Variants in FAT4 observed in about 807,000 individuals in gnomAD.
The protein encoded by FAT4 is FAT atypical cadherin 4.
In FAT4, 84 loss-of-function variants were observed where a neutral mutation model predicts 303.9. The ratio of observed to expected loss-of-function variants is 0.28; its 90% CI spans 0.23 to 0.33. The LOEUF (loss-of-function observed/expected upper bound fraction) is 0.33, where lower values mean the gene tolerates loss of function less well. Among genes scored for constraint, FAT4 ranks in the 10% least tolerant of loss-of-function variants. The pLI, the probability that FAT4 is intolerant of heterozygous loss-of-function variation, is 1.00. For synonymous variants in FAT4, 2,307 were observed against 2,298.8 expected (o/e 1.00, Z -0.10); for missense variants, 6,005 against 6,146.8 (o/e 0.98, Z 0.77).
chr4:125,465,623 T>C (rs1008981504), intron 11 of FAT4, among the ~76,000 whole-genome samples: 1 of 152,182 alleles, frequency 6.6e-6, no homozygotes, highest in Non-Finnish European at 1.5e-5. Context: ...ACAACTGTCG[T>C]TGCCTATTAA....
At chr4:125,481,396 T>C (rs1006433058) in intron 15 of FAT4, 125 bp from the exon 16 acceptor site, 7 of 714,394 alleles carry the variant, frequency 9.8e-6, no homozygotes, top group African/African-American at 1.8e-5. Flanking sequence ...AAGAGTAGAG[T>C]TGGGGGACAT....
chr4:125,440,114 C>CT lies in FAT4; in HGVS notation c.7199+5692dup, dbSNP rs1725601736. ...TCATCTTTTTTACTCCTAATATATTCTTTCTTTTACAATATCTGGTACATA... is the reference window on the plus strand; with the variant it reads ...TCATCTTTTTTACTCCTAATATATTCTTTTCTTTTACAATATCTGGTACATA... On this transcript the variant is annotated intron_variant, in intron 8 of 17. Coordinates refer to ENST00000394329, the MANE Select transcript of FAT4 (RefSeq NM_001291303.3). Among the ~76,000 whole-genome samples, 4 of 152,082 alleles carry CT rather than the reference C, an allele frequency of 2.6e-5. No individual in the cohort carries two copies. The South Asian group carries it at 8.3e-4, about 32-fold the overall frequency.
chr4:125,416,173 CT>C (rs1335147699), intron 6 of FAT4, among the ~76,000 whole-genome samples: 2 of 151,362 alleles, frequency 1.3e-5, no homozygotes, highest in Admixed American at 6.6e-5. Context: ...TACTCTTTTC[CT>C]TCATATATTT....
chr4:125,419,152 G>A (rs2126031247), intron 7 of FAT4, among the ~76,000 whole-genome samples: 1 of 152,216 alleles, frequency 6.6e-6, no homozygotes, highest in East Asian at 1.9e-4. Context: ...CTATATGAAA[G>A]TTTATTGATC....
rs1727651481 is a variant in FAT4, at chr4:125,491,648, T to C, written c.14832T>C (p.His4944=). The part of the protein sequence containing the change: ...NLLNWGPGFG[H]YVDVFKDLAS... Reference sequence around the variant, plus strand: ...TGAACTGGGGCCCTGGCTTTGGCCATTATGTAGATGTTTTTAAAGATTTGG... The same window carrying C: ...TGAACTGGGGCCCTGGCTTTGGCCACTATGTAGATGTTTTTAAAGATTTGG... The change falls in exon 18 of 18, where the codon CAT becomes CAC. Residue 4944 remains histidine, a synonymous_variant. Coordinates refer to ENST00000394329, the MANE Select transcript of FAT4 (RefSeq NM_001291303.3). 6.2e-7 allele frequency: 1 copy of C among 1,614,020 alleles called. No individual in the cohort carries two copies. Among genetic ancestry groups the C allele is most frequent in the African/African-American group, 1.3e-5 (1 of 74,924 alleles).
intron 2 of FAT4, among the ~76,000 whole-genome samples, chr4:125,381,837 C>CT (rs1733554555): frequency 6.6e-6 from 1 of 152,164 alleles, no homozygotes; most frequent in Admixed American, 6.6e-5. Flanking sequence ...CCCTGCCACT[C>CT]TTTTATCAGC....
chr4:125,444,388 C>A (rs2126053035), intron 8 of FAT4, among the ~76,000 whole-genome samples: 1 of 152,198 alleles, frequency 6.6e-6, no homozygotes, highest in Middle Eastern at 3.4e-3. Flanking sequence ...GAAGCTCACT[C>A]CCTCAATAAC....
At chr4:125,480,660 T>C (rs1473529547) in intron 15 of FAT4, among the ~76,000 whole-genome samples, 1 of 152,052 alleles carries the variant, frequency 6.6e-6, no homozygotes, top group Non-Finnish European at 1.5e-5. Flanking sequence ...TAAAAGGTCT[T>C]AGCAGAAAGT....
chr4:125,431,089 A>C (rs1725268689), intron 7 of FAT4, among the ~76,000 whole-genome samples: 1 of 152,230 alleles, frequency 6.6e-6, no homozygotes, highest in Non-Finnish European at 1.5e-5. Flanking sequence ...TTACAGACAA[A>C]GAAAGAAATC....
chr4:125,383,452 C>T (rs759614582), intron 2 of FAT4, among the ~76,000 whole-genome samples: 4 of 152,106 alleles, frequency 2.6e-5, no homozygotes, highest in Non-Finnish European at 5.9e-5. Flanking sequence ...AGTTCACTGT[C>T]TTATATGGGT....
intron 2 of FAT4, among the ~76,000 whole-genome samples, chr4:125,380,497 A>G (rs995049264): frequency 1.3e-5 from 2 of 152,224 alleles, no homozygotes; most frequent in Non-Finnish European, 2.9e-5. Context: ...AAAACCGTCA[A>G]TAAAAACATG....
At chr4:125,330,777 GA>G (rs1164041398) in intron 2 of FAT4, among the ~76,000 whole-genome samples, 1 of 152,186 alleles carries the variant, frequency 6.6e-6, no homozygotes, top group African/African-American at 2.4e-5. Context: ...ACCAGAGTGA[GA>G]GTGATCTTTT....
intron 8 of FAT4, among the ~76,000 whole-genome samples, chr4:125,437,576 G>A (rs374820122): frequency 9.2e-4 from 140 of 152,246 alleles, no homozygotes; most frequent in Non-Finnish European, 1.6e-3. Context: ...GTCATAACCC[G>A]TTTGAGTCAT....
chr4:125,335,045 C>G (rs1338066066), intron 2 of FAT4, among the ~76,000 whole-genome samples: 1 of 151,984 alleles, frequency 6.6e-6, no homozygotes, highest in Non-Finnish European at 1.5e-5. Flanking sequence ...TTTAGAACAC[C>G]AGTTGACCCT....
intron 2 of FAT4, among the ~76,000 whole-genome samples, chr4:125,341,339 G>T (rs1167479617): frequency 6.6e-6 from 1 of 152,128 alleles, no homozygotes; most frequent in African/African-American, 2.4e-5. Flanking sequence ...GCCTGAGGCA[G>T]TGGTTATATG....
intron 14 of FAT4, 195 bp downstream of exon 14, chr4:125,477,529 T>C (rs372793794): frequency 2.3e-5 from 9 of 386,902 alleles, no homozygotes; most frequent in East Asian, 1.1e-4. Flanking sequence ...ATTAATATGT[T>C]TCTAGATTCT....
intron 7 of FAT4, among the ~76,000 whole-genome samples, chr4:125,431,927 GTA>G (rs1388817074): frequency 1.3e-5 from 2 of 151,942 alleles, no homozygotes; most frequent in African/African-American, 4.8e-5. Flanking sequence ...TCATAAAATT[GTA>G]TATAGTGAAA....
chr4:125,450,381 G>T lies in FAT4; in HGVS notation c.9371G>T (p.Gly3124Val), dbSNP rs1726012050. 6.2e-7 allele frequency: 1 copy of T among 1,613,930 alleles called. No individual in the cohort carries two copies. The highest frequency in any genetic ancestry group is 8.5e-7 in the Non-Finnish European group (1 of 1,179,984). ...AGAGATAGAGATGCAGCGATGAATG[G>T]CTTGATTAAGTACAGCATTTCTTCA... is the stretch of plus-strand genomic sequence containing the variant. Reference protein sequence around the residue: ...SARDRDAAMNGLIKYSISSGN... With the variant: ...SARDRDAAMNVLIKYSISSGN... Residue 3124 changes from glycine (G) to valine (V), a missense_variant, in exon 10 of 18, where the codon GGC becomes GTC. By Grantham distance (109) the Gly-to-Val change is moderately radical. Transcript: ENST00000394329.
chr4:125,359,266 C>T (rs1209985805), intron 2 of FAT4, among the ~76,000 whole-genome samples: 1 of 151,944 alleles, frequency 6.6e-6, no homozygotes, highest in Non-Finnish European at 1.5e-5. Context: ...CGTCTTAAGG[C>T]CAAATGGAAA....
Sources: gnomAD v4.1 joint callset for allele counts (sites outside exome capture counted in the v4.1 genomes callset) on GRCh38, gnomAD v4.1.1 for gene constraint, MANE v1.5 for transcripts, NCBI Gene and HGNC (gene_info 2026-07-23, HGNC 2026-07-21) for gene names.